Variants in LAMA4 observed in about 807,000 individuals in gnomAD.
LAMA4 encodes the protein laminin subunit alpha 4.
A neutral mutation model predicts 207.1 loss-of-function variants in LAMA4; 127 were observed. That is an observed-to-expected ratio of 0.61 (90% confidence interval 0.53 to 0.71). The LOEUF is 0.71. Ranked by LOEUF, LAMA4 falls within the 30% of genes least tolerant of loss-of-function variation. The pLI, the probability that LAMA4 is intolerant of heterozygous loss-of-function variation, is 0.00. For missense variants in LAMA4, 2,093 were observed against 2,246.5 expected, an observed-to-expected ratio of 0.93 and a Z score of 1.38; for synonymous variants, 761 against 816.0, an observed-to-expected ratio of 0.93 and a Z score of 1.15.
intron 5 of LAMA4, among the ~76,000 whole-genome samples, chr6:112,194,070 C>T (rs113285970): frequency 3.9e-5 from 6 of 152,316 alleles, no homozygotes; most frequent in African/African-American, 7.2e-5. Flanking sequence ...TGTTGTTATT[C>T]GCACTTTCTC....
chr6:112,244,686 G>A (rs782502183), intron 2 of LAMA4, among the ~76,000 whole-genome samples: 4 of 152,122 alleles, frequency 2.6e-5, no homozygotes, highest in Non-Finnish European at 5.9e-5. Context: ...GTGTCCCGGG[G>A]TCAAGCACCC....
At chr6:112,144,608 T>G (rs927154420) in intron 19 of LAMA4, among the ~76,000 whole-genome samples, 186 bp downstream of exon 19, 1 of 152,226 alleles carries the variant, frequency 6.6e-6, no homozygotes. Flanking sequence ...GCTTTCAGGT[T>G]GGGACCAGGA....
At position 112,119,193 on chromosome 6, in the gene LAMA4, C is replaced by T; in HGVS notation, c.4784G>A (p.Gly1595Glu). Reference protein sequence around the residue: ...TWKIKGPIYLGGVAPGKAVKN... With the variant: ...TWKIKGPIYLEGVAPGKAVKN... ...CACAGCCTTTCCAGGAGCCACACCT[C>T]CCAAATAAATGGGACCCTTGATTTT... Residue 1595 changes from glycine (G) to glutamate (E), a missense_variant, in exon 34 of 39, where the codon GGA (glycine) becomes GAA (glutamate). Gly to Glu is a moderately conservative substitution (Grantham distance 98). Around this residue, in one of 3 missense-constraint regions of LAMA4, gnomAD observed 383 missense variants for 437.8 expected, o/e 0.87. Coordinates refer to ENST00000230538, the MANE Select transcript of LAMA4 (RefSeq NM_001105206.3). 6.2e-7 allele frequency: 1 copy of T among 1,614,048 alleles called. No individual in the cohort carries two copies. Among genetic ancestry groups the T allele is most frequent in the Non-Finnish European group, 8.5e-7 (1 of 1,179,938 alleles).
intron 2 of LAMA4, among the ~76,000 whole-genome samples, chr6:112,252,462 C>T (rs1166946348): frequency 6.6e-6 from 1 of 152,126 alleles, no homozygotes; most frequent in African/African-American, 2.4e-5. Flanking sequence ...TTGTATATGG[C>T]TTGTCTCTTT....
At chr6:112,109,652 TAAAA>T in intron 38 of LAMA4, 70 bp from the exon 39 acceptor site, 1 of 1,456,632 alleles carries the variant, frequency 6.9e-7, no homozygotes, top group African/African-American at 1.9e-5. Flanking sequence ...TACTTCCTGG[TAAAA>T]GTATACATAT....
At chr6:112,111,844 T>TA (rs1218543810) in intron 38 of LAMA4, among the ~76,000 whole-genome samples, 1 of 152,158 alleles carries the variant, frequency 6.6e-6, no homozygotes, top group African/African-American at 2.4e-5. Context: ...GCAACTCTTG[T>TA]AGTGAGGGAT....
In LAMA4 at chr6:112,139,238, G is replaced by A. The variant is rs1554332388; in HGVS notation, c.3164C>T (p.Ser1055Phe). Residue 1055 changes from serine (S) to phenylalanine (F), a missense_variant, in exon 24 of 39, where the codon TCC becomes TTC. Physicochemically the swap from Ser to Phe is radical, Grantham distance 155. Transcript: ENST00000230538. ...SRAASYFFDG[S>F]GYAVVRDITR... The stretch of plus-strand genomic sequence containing the variant: ...GATGTCTCTCACCACGGCATAACCG[G>A]AGCCATCGAAGAAGTAACTGGCAGC... 1 of 1,614,162 alleles carries A rather than the reference G, an allele frequency of 6.2e-7. No individual in the cohort carries two copies. Among genetic ancestry groups the A allele is most frequent in the East Asian group, 2.2e-5 (1 of 44,880 alleles).
chr6:112,218,167 G>A (rs1255673911), intron 2 of LAMA4: 1 of 152,198 alleles, frequency 6.6e-6, no homozygotes, highest in Non-Finnish European at 1.5e-5. Context: ...CTTTATAAGA[G>A]TAGTGGGTAA....
intron 31 of LAMA4, among the ~76,000 whole-genome samples, chr6:112,126,743 G>C (rs1454632725): frequency 1.3e-5 from 2 of 152,194 alleles, no homozygotes; most frequent in Admixed American, 1.3e-4. Context: ...CCCCTGAAAA[G>C]ATGTTCAACC....
rs1281137752 is a variant in LAMA4 at position 112,216,370 on chromosome 6, C to T, written c.295G>A (p.Val99Met). The change falls in exon 3 of 39, where the codon GTG becomes ATG. Residue 99 changes from valine to methionine, a missense_variant and splice_region_variant. Physicochemically the swap from Val to Met is conservative, Grantham distance 21. Around this residue, in one of 3 missense-constraint regions of LAMA4, gnomAD observed 1,704 missense variants for 1,788.4 expected, o/e 0.95. Transcript: ENST00000230538. Reference sequence around the variant, plus strand: ...GTGTTATAGGTGCCCCAACTTACCACACAGTATCCTGAGCCGTCCAAACAC... The same window carrying T: ...GTGTTATAGGTGCCCCAACTTACCATACAGTATCCTGAGCCGTCCAAACAC... The part of the protein sequence containing the change: ...NECLDGSGYC[V>M]HCQRNTTGEH... 11 of 1,606,076 alleles carry T rather than the reference C, an allele frequency of 6.8e-6. 1 individual carries two copies. In the East Asian group the frequency reaches 1.8e-4, roughly 26 times the overall value.
chr6:112,133,490 G>A lies in LAMA4; in HGVS notation c.3558-3C>T, dbSNP rs1554330610. The A allele has an allele frequency of 6.2e-7, 1 of 1,613,464 alleles. No individual in the cohort carries two copies. Among genetic ancestry groups the A allele is most frequent in the Non-Finnish European group, 8.5e-7 (1 of 1,179,574 alleles). ...GGGGAAGGTGTGCTCTGAGGGCCCT[G>A]GAAAAGAAAGTCAGCCTCACTGATA... On this transcript the variant is annotated splice_region_variant and splice_polypyrimidine_tract_variant and intron_variant, in intron 26 of 38. Coordinates refer to ENST00000230538, the MANE Select transcript of LAMA4 (RefSeq NM_001105206.3).
rs1779524896 is a variant in LAMA4, at chr6:112,139,101, G to A, written c.3282+19C>T. The A allele has an allele frequency of 6.2e-7, 1 of 1,610,776 alleles. No homozygotes were observed. Among genetic ancestry groups the A allele is most frequent in the Non-Finnish European group, 8.5e-7 (1 of 1,176,946 alleles). On this transcript the variant is annotated intron_variant, in intron 24 of 38. Transcript: ENST00000230538. ...AAAGGAAATAAAGGAGAAGTAGTAG[G>A]ACTTGTATTTTTACTCACTCCATTG... is the stretch of plus-strand genomic sequence containing the variant.
chr6:112,137,952 C>G (rs1424100151), intron 24 of LAMA4, among the ~76,000 whole-genome samples: 1 of 152,020 alleles, frequency 6.6e-6, no homozygotes, highest in Non-Finnish European at 1.5e-5. Context: ...GAGAAAGTAA[C>G]TTTTTCTCCT....
chr6:112,161,876 G>C (rs576161685), intron 13 of LAMA4, among the ~76,000 whole-genome samples: 1 of 152,274 alleles, frequency 6.6e-6, no homozygotes, highest in South Asian at 2.1e-4. Flanking sequence ...GGAGTGCAGT[G>C]AGTGAGAAAA....
chr6:112,170,259 G>T (rs1781635019), intron 12 of LAMA4, among the ~76,000 whole-genome samples: 1 of 152,132 alleles, frequency 6.6e-6, no homozygotes, highest in Admixed American at 6.5e-5. Flanking sequence ...TGTGGCTAAG[G>T]GCACAGCTGT....
At chr6:112,240,009 T>G (rs1786277049) in intron 2 of LAMA4, among the ~76,000 whole-genome samples, 1 of 151,916 alleles carries the variant, frequency 6.6e-6, no homozygotes, top group Admixed American at 6.6e-5. Context: ...TGAGCCTAGG[T>G]CGCGCCACTG....
At chr6:112,229,549 C>A (rs1421724510) in intron 2 of LAMA4, among the ~76,000 whole-genome samples, 1 of 152,110 alleles carries the variant, frequency 6.6e-6, no homozygotes, top group African/African-American at 2.4e-5. Context: ...TTAGTGGTGA[C>A]AACAAAATTT....
intron 29 of LAMA4, 200 bp from the exon 30 acceptor site, chr6:112,130,240 A>G: frequency 1.7e-6 from 1 of 583,442 alleles, no homozygotes; most frequent in Non-Finnish European, 3.0e-6. Context: ...CCTCCAAACC[A>G]AGATTGGAAT....
chr6:112,169,096 G>A (rs1781566757), intron 12 of LAMA4, among the ~76,000 whole-genome samples: 1 of 152,232 alleles, frequency 6.6e-6, no homozygotes, highest in South Asian at 2.1e-4. Flanking sequence ...GGAAGCCATT[G>A]AAGGCATTTG....
Sources: gnomAD v4.1 joint callset for allele counts (sites outside exome capture counted in the v4.1 genomes callset) on GRCh38, gnomAD v4.1.1 for gene constraint, gnomAD v4.1.1 regional missense constraint, MANE v1.5 for transcripts, NCBI Gene and HGNC (gene_info 2026-07-23, HGNC 2026-07-21) for gene names.